The following CSNK1G2 variants were observed in gnomAD, a reference collection of about 807,000 sequenced individuals.
CSNK1G2 encodes the protein casein kinase 1 gamma 2.
Under a neutral mutation model 48.0 loss-of-function variants are expected in CSNK1G2, and 11 were observed. The observed-to-expected ratio is 0.23, with a 90% CI of 0.14 to 0.38. The LOEUF (loss-of-function observed/expected upper bound fraction) is 0.38. Ranked by LOEUF, CSNK1G2 falls within the 10% of genes least tolerant of loss-of-function variation. The probability of loss-of-function intolerance (pLI) is 1.00; values close to 1 mark genes in which losing one functional copy is unlikely to be tolerated. For missense variants in CSNK1G2, 446 were observed against 595.5 expected (o/e 0.75, Z 2.61); for synonymous variants, 337 against 254.1 (o/e 1.33, Z -3.10).
chr19:1,962,856 C>T (rs923496960), intron 1 of CSNK1G2, among the ~76,000 whole-genome samples: 4 of 152,138 alleles, frequency 2.6e-5, no homozygotes, highest in African/African-American at 7.2e-5. Flanking sequence ...AGTGGAAGCC[C>T]GCAGCCACGC....
intron 1 of CSNK1G2, chr19:1,942,549 C>G (rs370557192): frequency 6.6e-6 from 1 of 152,418 alleles, no homozygotes; most frequent in East Asian, 1.9e-4. Context: ...ATGCAGGAGC[C>G]TTCTTGGTGT....
chr19:1,959,837 C>A (rs1422721566), intron 1 of CSNK1G2, among the ~76,000 whole-genome samples: 1 of 146,388 alleles, frequency 6.8e-6, no homozygotes, highest in East Asian at 2.0e-4. Context: ...CACCCTGAGT[C>A]CCCCAGCACC....
chr19:1,953,770 C>T, intron 1 of CSNK1G2: 1 of 463,194 alleles, frequency 2.2e-6, no homozygotes, highest in Non-Finnish European at 4.5e-6. Flanking sequence ...GCAGCCTTGC[C>T]CCCTCCCCCC....
chr19:1,955,157 A>G (rs2014938990), intron 1 of CSNK1G2, among the ~76,000 whole-genome samples: 1 of 152,084 alleles, frequency 6.6e-6, no homozygotes, highest in Non-Finnish European at 1.5e-5. Context: ...GACCGCCTCC[A>G]GGGAGTGATC....
chr19:1,943,383 C>A (rs2145488730), intron 1 of CSNK1G2, among the ~76,000 whole-genome samples: 1 of 152,312 alleles, frequency 6.6e-6, no homozygotes, highest in Middle Eastern at 3.4e-3. Flanking sequence ...GCAGGATGGC[C>A]CGCGATGGTG....
At chr19:1,955,558 C>A (rs568379779) in intron 1 of CSNK1G2, among the ~76,000 whole-genome samples, 5 of 152,226 alleles carry the variant, frequency 3.3e-5, no homozygotes, top group African/African-American at 9.6e-5. Context: ...CGAGGCTCCG[C>A]GAGTCGGGGG....
chr19:1,951,222 T>TA lies in CSNK1G2; in HGVS notation c.-266+9805dup, dbSNP rs1265813255. On this transcript the variant is annotated intron_variant, in intron 1 of 11. Transcript: ENST00000255641. ...TGAGACCATCCTGGCTCTACTAAAATACCCTGTCTCTACTAAAAAAAATAC... is the reference window on the plus strand; with the variant it reads ...TGAGACCATCCTGGCTCTACTAAAATAACCCTGTCTCTACTAAAAAAAATAC... Among the ~76,000 whole-genome samples the TA allele has an allele frequency of 2.8e-5, 4 of 144,202 alleles. 1 individual carries two copies. Among genetic ancestry groups the TA allele is most frequent in the African/African-American group, 1.1e-4 (4 of 37,258 alleles). 94.6% of individuals were successfully genotyped at this position (144,202 alleles called of 152,430 possible). A position where few individuals can be genotyped will look rare whatever the true frequency, so the allele number is the denominator to read the frequency against.
Position 1,979,579 on chromosome 19 carries a change from C to A in CSNK1G2, c.938C>A (p.Thr313Asn). ...PDYDYLRKLF[T>N]DLFDRSGFVF... is the part of the protein sequence containing the mutation. ...TATGACTACCTGCGGAAGCTCTTCA[C>A]CGACCTCTTCGACCGCAGTGGCTTC... The change falls in exon 9 of 12, where the codon ACC becomes AAC. Residue 313 changes from threonine to asparagine, a missense_variant. Around this residue, in one of 2 missense-constraint regions of CSNK1G2, gnomAD observed 188 missense variants for 179.6 expected, o/e 1.05. Coordinates refer to ENST00000255641, the MANE Select transcript of CSNK1G2 (RefSeq NM_001319.7). 1 of 1,608,432 alleles carries A rather than the reference C, an allele frequency of 6.2e-7. No individual in the cohort carries two copies. The highest frequency in any genetic ancestry group is 2.2e-5 in the East Asian group (1 of 44,878).
chr19:1,951,401 TC>T lies in CSNK1G2; in HGVS notation c.-266+9984del, dbSNP rs2014758244. 3.5e-5 allele frequency among the ~76,000 whole-genome samples: 5 copies of T among 141,036 alleles called. 2 individuals are homozygous for T. Among genetic ancestry groups the T allele is most frequent in the Admixed American group, 3.5e-4 (5 of 14,204 alleles). The allele number at this position is 141,036 out of a possible 152,430, so 92.5% of individuals were successfully genotyped here. On this transcript the variant is annotated intron_variant, in intron 1 of 11. Transcript: ENST00000255641. ...CTGGGCGACAGAGTGAGACTCCGTC[TC>T]AAAAAAAAAATAAAAAAAATCAAAG...
At position 1,969,838 on chromosome 19, in the gene CSNK1G2, C is replaced by T. The variant is rs772857000; in HGVS notation, c.66C>T (p.Gly22=). The T allele has an allele frequency of 2.4e-5, 32 of 1,310,454 alleles. No homozygotes were observed. The highest frequency in any genetic ancestry group is 4.2e-4 in the Middle Eastern group (2 of 4,730). The allele number at this position is 1,310,454 out of a possible 1,614,324, so 81.2% of individuals were successfully genotyped here. ...TEEGRRMSKA[G]GGRSSHGIRS... is the part of the protein sequence containing the mutation. Reference sequence around the variant, plus strand: ...AGGGCCGGAGAATGTCCAAGGCCGGCGGGGGCCGGAGCAGCCACGGCATCC... The same window carrying T: ...AGGGCCGGAGAATGTCCAAGGCCGGTGGGGGCCGGAGCAGCCACGGCATCC... The change falls in exon 2 of 12, where the codon GGC becomes GGT. Residue 22 remains glycine, a synonymous_variant. Transcript: ENST00000255641.
intron 1 of CSNK1G2, among the ~76,000 whole-genome samples, chr19:1,944,888 G>A (rs12608700): frequency 6.6e-6 from 1 of 152,132 alleles, no homozygotes; most frequent in African/African-American, 2.4e-5. Flanking sequence ...TCCCTTTGCC[G>A]GGTCCTCCTG....
chr19:1,947,748 C>T (rs1041057398), intron 1 of CSNK1G2, among the ~76,000 whole-genome samples: 8 of 152,186 alleles, frequency 5.3e-5, no homozygotes, highest in African/African-American at 1.9e-4. Context: ...TGTGCGTTTG[C>T]GCTGGCGTCT....
intron 1 of CSNK1G2, among the ~76,000 whole-genome samples, chr19:1,950,167 T>C (rs1233237054): frequency 6.6e-6 from 1 of 151,884 alleles, no homozygotes; most frequent in East Asian, 1.9e-4. Context: ...TGAGACGGAG[T>C]CTCGCTCTGT....
intron 1 of CSNK1G2, among the ~76,000 whole-genome samples, chr19:1,962,971 CT>C (rs2015248082): frequency 6.6e-6 from 1 of 152,020 alleles, no homozygotes; most frequent in South Asian, 2.1e-4. Flanking sequence ...CCTCCATGCA[CT>C]GGAACACAAC....
intron 1 of CSNK1G2, among the ~76,000 whole-genome samples, chr19:1,967,202 A>C (rs948510345): frequency 6.6e-6 from 1 of 152,194 alleles, no homozygotes; most frequent in Non-Finnish European, 1.5e-5. Context: ...CTGGCACCGG[A>C]ACGCAGGGGC....
At chr19:1,947,586 G>A (rs1032186034) in intron 1 of CSNK1G2, among the ~76,000 whole-genome samples, 66 of 152,320 alleles carry the variant, frequency 4.3e-4, no homozygotes, top group Non-Finnish European at 8.8e-5. Flanking sequence ...GGACTGGCCC[G>A]TGTCTGCCTC....
chr19:1,971,010 G>C (rs947177509), intron 2 of CSNK1G2, among the ~76,000 whole-genome samples: 1 of 152,246 alleles, frequency 6.6e-6, no homozygotes, highest in African/African-American at 2.4e-5. Flanking sequence ...GGGCGCAGGA[G>C]CATGGGCTGT....
intron 1 of CSNK1G2, among the ~76,000 whole-genome samples, chr19:1,955,649 C>T (rs556484558): frequency 2.6e-5 from 4 of 152,282 alleles, no homozygotes; most frequent in East Asian, 1.9e-4. Flanking sequence ...TGTCCGCCCA[C>T]GACCCCCTCA....
intron 1 of CSNK1G2, among the ~76,000 whole-genome samples, chr19:1,945,350 G>T (rs1050146707): frequency 6.6e-6 from 1 of 152,192 alleles, no homozygotes; most frequent in Admixed American, 6.5e-5. Context: ...TGAGGTGTGG[G>T]GATCATCTCC....
Sources: allele counts gnomAD v4.1 joint callset (sites outside exome capture counted in the v4.1 genomes callset), GRCh38; gene constraint gnomAD v4.1.1; regional missense constraint gnomAD v4.1.1; transcripts MANE v1.5; gene names NCBI Gene and HGNC (gene_info 2026-07-23, HGNC 2026-07-21).